Variants in RADIL observed in about 807,000 individuals in gnomAD.
RADIL encodes ras-associating and dilute domain-containing protein.
A neutral mutation model predicts 97.6 loss-of-function variants in RADIL; 99 were observed. The ratio of observed to expected loss-of-function variants is 1.01; its 90% CI spans 0.86 to 1.20. The LOEUF (loss-of-function observed/expected upper bound fraction) is 1.20. RADIL is among the 50% of genes most tolerant of loss of function. RADIL has a pLI of 0.00. For synonymous variants in RADIL, 803 were observed against 691.8 expected (o/e 1.16, Z -2.52); for missense variants, 1,765 against 1,498.9 (o/e 1.18, Z -2.93).
At position 4,798,057 on chromosome 7, in the gene RADIL, G is replaced by C. The variant is rs1363693381; in HGVS notation, c.*1321C>G. 1 of 147,054 alleles carries C rather than the reference G, an allele frequency of 6.8e-6. No homozygotes were observed. Among genetic ancestry groups the C allele is most frequent in the Non-Finnish European group, 1.5e-5 (1 of 67,110 alleles). 9.1% of individuals were successfully genotyped at this position (147,054 alleles called of 1,614,324 possible). On this transcript the variant is annotated 3_prime_UTR_variant, in exon 15 of 15. Transcript: ENST00000399583. ...ATATACGAATATATTACGTATACAT[G>C]AATATGTAATATATTCATATATAAT...
At position 4,837,650 on chromosome 7, in the gene RADIL, T is replaced by C. The variant is rs555309260; in HGVS notation, c.536-1045A>G. 4.0e-5 allele frequency among the ~76,000 whole-genome samples: 6 copies of C among 151,090 alleles called. No individual in the cohort carries two copies. Among genetic ancestry groups the C allele is most frequent in the South Asian group, 4.2e-4 (2 of 4,748 alleles). ...ACCCAAAAACACACATGCACACACA[T>C]ACACACACGCCAACACACATGCACC... On this transcript the variant is annotated intron_variant, in intron 2 of 14. Transcript: ENST00000399583. This position sits in a 1 kb window ranked among gnomAD's most constrained non-coding sequence, Gnocchi z 5.6.
At position 4,803,603 on chromosome 7, in the gene RADIL, G is replaced by C; in HGVS notation, c.2442C>G (p.Ala814=). ...CAGGCCTGCCAGGGCTGCCGGGGCT[G>C]GCTCTGCTCCGCAGACCCCACAGAA... ...RHFLWGLRSR[A]SPGSPGRPGS... The change falls in exon 11 of 15, where the codon GCC becomes GCG. Residue 814 remains alanine (A), a synonymous_variant. Coordinates refer to ENST00000399583, the MANE Select transcript of RADIL (RefSeq NM_018059.5). 4 of 1,548,826 alleles carry C rather than the reference G, an allele frequency of 2.6e-6. No homozygotes were observed. Among genetic ancestry groups the C allele is most frequent in the Non-Finnish European group, 3.5e-6 (4 of 1,146,660 alleles).
chr7:4,815,492 C>CT lies in RADIL; in HGVS notation c.1967-43dup, dbSNP rs766651882. ...GGAGGGTGATGCCTGGGCTGCCCTC[C>CT]TGGGGGGACACAGACATGGGCCTGT... On this transcript the variant is annotated intron_variant, in intron 8 of 14. Transcript: ENST00000399583. The surrounding 1 kb of genome is among the most constrained non-coding windows in gnomAD (Gnocchi z 8.0). 1 of 1,455,502 alleles carries CT rather than the reference C, an allele frequency of 6.9e-7. No homozygotes were observed. The highest frequency in any genetic ancestry group is 1.4e-5 in the African/African-American group (1 of 70,854). The allele number at this position is 1,455,502 out of a possible 1,614,324, so 90.2% of individuals were successfully genotyped here. A position where few individuals can be genotyped will look rare whatever the true frequency, so the allele number is the denominator to read the frequency against.
intron 2 of RADIL, among the ~76,000 whole-genome samples, chr7:4,876,956 G>A (rs1484399519): frequency 2.6e-5 from 4 of 152,226 alleles, no homozygotes; most frequent in Non-Finnish European, 4.4e-5. Flanking sequence ...CGACAAGGTC[G>A]CAGGTGCTAA....
chr7:4,833,230 C>T (rs1268753142), intron 4 of RADIL, among the ~76,000 whole-genome samples: 1 of 152,198 alleles, frequency 6.6e-6, no homozygotes, highest in African/African-American at 2.4e-5. Flanking sequence ...GGTGTGGCAT[C>T]TACATCGTCA....
intron 2 of RADIL, among the ~76,000 whole-genome samples, chr7:4,863,175 C>T: frequency 6.6e-6 from 1 of 152,208 alleles, no homozygotes; most frequent in East Asian, 1.9e-4. Context: ...ATTTAGTCTG[C>T]TGTTTAAGCA....
intron 9 of RADIL, chr7:4,808,466 G>C (rs1461369254): frequency 1.7e-5 from 9 of 517,490 alleles, no homozygotes; most frequent in Non-Finnish European, 2.2e-5. Context: ...ACTAGGGCCA[G>C]CGAGGCCTAT....
rs565417405 is a variant in RADIL, at chr7:4,821,443, G to C, written c.1615+951C>G. Among the ~76,000 whole-genome samples the C allele has an allele frequency of 6.6e-6, 1 of 152,252 alleles. No individual in the cohort carries two copies. Among genetic ancestry groups the C allele is most frequent in the East Asian group, 1.9e-4 (1 of 5,182 alleles). On this transcript the variant is annotated intron_variant, in intron 6 of 14. Coordinates refer to ENST00000399583, the MANE Select transcript of RADIL (RefSeq NM_018059.5). This position sits in a 1 kb window ranked among gnomAD's most constrained non-coding sequence, Gnocchi z 5.2. Reference sequence around the variant, plus strand: ...CCCACACAGTCCTTAGCAGACACATGAGCCGAAATCCTACCCCGGCTTCCG... The same window carrying C: ...CCCACACAGTCCTTAGCAGACACATCAGCCGAAATCCTACCCCGGCTTCCG...
intron 2 of RADIL, among the ~76,000 whole-genome samples, chr7:4,866,579 T>C (rs1485226916): frequency 6.6e-6 from 1 of 152,228 alleles, no homozygotes; most frequent in East Asian, 1.9e-4. Context: ...AATCATTTAA[T>C]TGTCCATTTC....
At position 4,865,440 on chromosome 7, in the gene RADIL, T is replaced by C. The variant is rs1037346518; in HGVS notation, c.535+12165A>G. ...TCAGATAAATGGAATTTAATCCTTG[T>C]CTTCCTCCTCTTCTTTGTCCTGGTT... On this transcript the variant is annotated intron_variant, in intron 2 of 14. Transcript: ENST00000399583. 3.8e-5 allele frequency: 27 copies of C among 717,022 alleles called. No individual in the cohort carries two copies. The East Asian group carries it at 6.5e-4, about 17-fold the overall frequency. The allele number at this position is 717,022 out of a possible 1,614,324, so 44.4% of individuals were successfully genotyped here.
At chr7:4,836,971 C>T (rs752267244) in intron 2 of RADIL, among the ~76,000 whole-genome samples, 3 of 152,094 alleles carry the variant, frequency 2.0e-5, no homozygotes, top group African/African-American at 7.2e-5. Flanking sequence ...CTAATAGCGC[C>T]CATGTCCCGG....
intron 4 of RADIL, among the ~76,000 whole-genome samples, chr7:4,833,167 C>G (rs1783195838): frequency 6.6e-6 from 1 of 152,178 alleles, no homozygotes; most frequent in Non-Finnish European, 1.5e-5. Flanking sequence ...ACCCGGGTCC[C>G]TCAGCAAGTG....
intron 12 of RADIL, among the ~76,000 whole-genome samples, chr7:4,801,342 C>T (rs1782077523): frequency 2.0e-5 from 3 of 152,238 alleles, no homozygotes; most frequent in Admixed American, 1.3e-4. Context: ...ACATCCTCTC[C>T]ACTGGCTCAG....
Position 4,834,865 on chromosome 7 carries a change from G to A in RADIL, c.1158C>T (p.Leu386=). 7 of 1,331,904 alleles carry A rather than the reference G, an allele frequency of 5.3e-6. No homozygotes were observed. The highest frequency in any genetic ancestry group is 6.2e-5 in the East Asian group (2 of 32,152). The allele number at this position is 1,331,904 out of a possible 1,614,324, so 82.5% of individuals were successfully genotyped here. A position where few individuals can be genotyped will look rare whatever the true frequency, so the allele number is the denominator to read the frequency against. Residue 386 remains leucine, a synonymous_variant, in exon 4 of 15, where the codon CTC becomes CTT. Coordinates refer to ENST00000399583, the MANE Select transcript of RADIL (RefSeq NM_018059.5). The surrounding 1 kb of genome is among the most constrained non-coding windows in gnomAD (Gnocchi z 6.0). ...TAGGGGAGGCGGCTCCCCGGGCCCC[G>A]AGCGCGGCCCCGCACAGCCGGCAGC... ...PQSCRLCGAA[L]GARGAASPTQ... is the part of the protein sequence containing the mutation.
At chr7:4,838,945 A>G (rs886070223) in intron 2 of RADIL, among the ~76,000 whole-genome samples, 1 of 151,824 alleles carries the variant, frequency 6.6e-6, no homozygotes, top group Non-Finnish European at 1.5e-5. Context: ...GCACACATGC[A>G]TGCACACGTG....
chr7:4,843,053 C>G (rs1783485426), intron 2 of RADIL, among the ~76,000 whole-genome samples: 1 of 145,550 alleles, frequency 6.9e-6, no homozygotes, highest in Non-Finnish European at 1.5e-5. Context: ...GTCACTCAGG[C>G]TGGAGTGCAG....
At chr7:4,869,284 C>A (rs1331135836) in intron 2 of RADIL, among the ~76,000 whole-genome samples, 1 of 152,188 alleles carries the variant, frequency 6.6e-6, no homozygotes, top group Non-Finnish European at 1.5e-5. Flanking sequence ...AGGCCTGTGG[C>A]ACCACACACA....
intron 9 of RADIL, chr7:4,808,487 C>T (rs1026526837): frequency 5.3e-6 from 4 of 758,844 alleles, no homozygotes; most frequent in Admixed American, 6.3e-5. Context: ...TTTTATAGGG[C>T]CCCCAAGCTA....
Position 4,867,185 on chromosome 7 carries a change from G to A in RADIL, c.535+10420C>T, listed in dbSNP as rs985209589. Among the ~76,000 whole-genome samples, 4 of 152,150 alleles carry A rather than the reference G, an allele frequency of 2.6e-5. No homozygotes were observed. The highest frequency in any genetic ancestry group is 9.7e-5 in the African/African-American group (4 of 41,432). On this transcript the variant is annotated intron_variant, in intron 2 of 14. Coordinates refer to ENST00000399583, the MANE Select transcript of RADIL (RefSeq NM_018059.5). This position sits in a 1 kb window ranked among gnomAD's most constrained non-coding sequence, Gnocchi z 4.1. ...GAAATGGACTAAAGCAGAGCCTAAA[G>A]GTGTTGAGGGGCACACAGGCACACG...
Sources: allele counts gnomAD v4.1 joint callset (sites outside exome capture counted in the v4.1 genomes callset), GRCh38; gene constraint gnomAD v4.1.1; non-coding constraint Gnocchi (gnomAD v3.1); transcripts MANE v1.5; gene names NCBI Gene and HGNC (gene_info 2026-07-23, HGNC 2026-07-21).